The following PDE4D variants were observed in gnomAD, a reference collection of about 807,000 sequenced individuals.
PDE4D encodes phosphodiesterase 4D.
In PDE4D, 24 loss-of-function variants were observed where a neutral mutation model predicts 87.4. The observed-to-expected ratio is 0.27, with a 90% CI of 0.20 to 0.39. PDE4D has a LOEUF of 0.39. Ranked by LOEUF, PDE4D falls within the 10% of genes least tolerant of loss-of-function variation. The pLI is 1.00. For synonymous variants in PDE4D, 384 were observed against 383.2 expected (o/e 1.00, Z -0.02); for missense variants, 714 against 1,041.0 (o/e 0.69, Z 4.32).
At chr5:59,626,543 C>T (rs1003779773) in intron 1 of PDE4D, among the ~76,000 whole-genome samples, 3 of 152,122 alleles carry the variant, frequency 2.0e-5, no homozygotes, top group Admixed American at 1.3e-4. Flanking sequence ...TGCAAGTTTG[C>T]AGTTTACAAA....
intron 1 of PDE4D, among the ~76,000 whole-genome samples, chr5:59,220,349 A>G (rs1454603488): frequency 1.4e-5 from 2 of 139,844 alleles, no homozygotes; most frequent in South Asian, 2.6e-4. Context: ...CTGCACTCCA[A>G]TCTAGGCGAC....
At chr5:59,872,938 C>T (rs1213589743) in intron 1 of PDE4D, among the ~76,000 whole-genome samples, 2 of 152,042 alleles carry the variant, frequency 1.3e-5, no homozygotes, top group African/African-American at 4.8e-5. Flanking sequence ...TTAGATACAA[C>T]GAAACAATTA....
At chr5:59,995,021 T>C (rs1469137445) in intron 2 of PDE4D, among the ~76,000 whole-genome samples, 1 of 152,122 alleles carries the variant, frequency 6.6e-6, no homozygotes, top group African/African-American at 2.4e-5. Context: ...CACCAGTATA[T>C]GATCAAAGCT....
At chr5:59,709,502 C>T (rs1324120847) in intron 1 of PDE4D, among the ~76,000 whole-genome samples, 1 of 152,144 alleles carries the variant, frequency 6.6e-6, no homozygotes, top group Admixed American at 6.5e-5. Context: ...TCCAGATAGC[C>T]AGAAACACAG....
chr5:60,051,601 G>A (rs541661145), intron 2 of PDE4D, among the ~76,000 whole-genome samples: 2 of 152,114 alleles, frequency 1.3e-5, no homozygotes, highest in African/African-American at 2.4e-5. Context: ...ATCTAAAATC[G>A]ACACCCTAAC....
intron 11 of PDE4D, among the ~76,000 whole-genome samples, chr5:58,979,961 A>T (rs1003712478): frequency 6.6e-6 from 1 of 152,192 alleles, no homozygotes; most frequent in Admixed American, 6.5e-5. Context: ...AATTATTTCA[A>T]ACTTACAAAG....
chr5:59,911,151 G>T (rs1753395753), intron 3 of PDE4D, among the ~76,000 whole-genome samples: 1 of 152,180 alleles, frequency 6.6e-6, no homozygotes, highest in South Asian at 2.1e-4. Flanking sequence ...GACCAGACTG[G>T]CTGTTGTAGG....
At chr5:59,607,202 A>G (rs1828327391) in intron 1 of PDE4D, among the ~76,000 whole-genome samples, 1 of 152,130 alleles carries the variant, frequency 6.6e-6, no homozygotes, top group Non-Finnish European at 1.5e-5. Flanking sequence ...CATATGCAAA[A>G]TCAAAATAAA....
chr5:59,023,575 G>C (rs1001977904), intron 6 of PDE4D, among the ~76,000 whole-genome samples: 5 of 152,166 alleles, frequency 3.3e-5, no homozygotes, highest in African/African-American at 1.2e-4. Flanking sequence ...AGGATGGCTT[G>C]AGCCAGGGAG....
chr5:60,259,575 G>T (rs890068146), intron 1 of PDE4D, among the ~76,000 whole-genome samples: 3 of 151,976 alleles, frequency 2.0e-5, no homozygotes, highest in Non-Finnish European at 4.4e-5. Flanking sequence ...ACAGATTCCT[G>T]ATCATAGATA....
Position 59,215,935 on chromosome 5 carries a change from C to A in PDE4D, c.489G>T (p.Arg163=). The change falls in exon 2 of 15, where the codon CGG becomes CGT. Residue 163 remains arginine (R), a synonymous_variant. Coordinates refer to ENST00000340635, the MANE Select transcript of PDE4D (RefSeq NM_001104631.2). ...GGCTGGTCATGGGATCCAAGGGACT[C>A]CGTCCCGCAGATGTGCCATTGTCCA... ...FDVDNGTSAG[R]SPLDPMTSPG... is the part of the protein sequence containing the mutation. 6.2e-7 allele frequency: 1 copy of A among 1,613,112 alleles called. No individual in the cohort carries two copies. Among genetic ancestry groups the A allele is most frequent in the Non-Finnish European group, 8.5e-7 (1 of 1,179,384 alleles).
intron 2 of PDE4D, among the ~76,000 whole-genome samples, chr5:60,019,815 T>C (rs1765863963): frequency 6.6e-6 from 1 of 152,196 alleles, no homozygotes; most frequent in South Asian, 2.1e-4. Flanking sequence ...TTACCACTCA[T>C]GTGTTCACTG....
At chr5:59,834,737 T>G (rs1741749238) in intron 1 of PDE4D, among the ~76,000 whole-genome samples, 1 of 152,086 alleles carries the variant, frequency 6.6e-6, no homozygotes, top group Non-Finnish European at 1.5e-5. Flanking sequence ...TAAATACAAT[T>G]TCATAGGCTA....
intron 1 of PDE4D, chr5:59,276,169 TC>T: frequency 1.0e-6 from 1 of 972,510 alleles, no homozygotes; most frequent in Non-Finnish European, 1.2e-6. Flanking sequence ...CAGCCTAGCC[TC>T]GTCAATTGCT....
chr5:60,040,913 G>T (rs775274698), intron 2 of PDE4D, among the ~76,000 whole-genome samples: 1 of 151,898 alleles, frequency 6.6e-6, no homozygotes, highest in Non-Finnish European at 1.5e-5. Context: ...GAATTCTTTC[G>T]TAACTGTGTT....
intron 6 of PDE4D, among the ~76,000 whole-genome samples, chr5:59,012,607 C>A (rs893882466): frequency 6.6e-6 from 1 of 152,162 alleles, no homozygotes; most frequent in African/African-American, 2.4e-5. Flanking sequence ...AGCTAACTAT[C>A]CTAAATATAT....
At chr5:59,905,796 A>G (rs551928855) in intron 3 of PDE4D, among the ~76,000 whole-genome samples, 1 of 152,220 alleles carries the variant, frequency 6.6e-6, no homozygotes, top group South Asian at 2.1e-4. Flanking sequence ...AAATTAGGGG[A>G]GTAAAAAACC....
intron 2 of PDE4D, among the ~76,000 whole-genome samples, chr5:60,086,873 A>G (rs1185842763): frequency 6.6e-6 from 1 of 152,214 alleles, no homozygotes. Context: ...TGCTTCAATC[A>G]GTGGGGGTGC....
chr5:59,747,399 C>T (rs567139733), intron 1 of PDE4D, among the ~76,000 whole-genome samples: 32 of 152,272 alleles, frequency 2.1e-4, no homozygotes, highest in Non-Finnish European at 3.5e-4. Flanking sequence ...CTCTGTTAAA[C>T]CAACCTTTTT....
Sources: gnomAD v4.1 joint callset for allele counts (sites outside exome capture counted in the v4.1 genomes callset) on GRCh38, gnomAD v4.1.1 for gene constraint, MANE v1.5 for transcripts, NCBI Gene and HGNC (gene_info 2026-07-23, HGNC 2026-07-21) for gene names.